The following SNX9 variants were observed in gnomAD, a reference collection of about 807,000 sequenced individuals.
The protein encoded by SNX9 is sorting nexin 9.
A neutral mutation model predicts 89.4 loss-of-function variants in SNX9; 44 were observed. The ratio of observed to expected loss-of-function variants is 0.49; its 90% CI spans 0.39 to 0.63. The LOEUF is 0.63. SNX9 is among the 30% of genes least tolerant of loss of function. The pLI is 0.00. For missense variants in SNX9, 578 were observed against 736.1 expected (o/e 0.79, Z 2.49); for synonymous variants, 236 against 247.8 (o/e 0.95, Z 0.45).
rs1257279219 is a variant in SNX9, at chr6:157,944,336, A to T, written c.*1498A>T. ...TATCACGGGTTTTTGTTAATGTTTC[A>T]TAAGTAATTCTCCCCACTTGATTTT... On this transcript the variant is annotated 3_prime_UTR_variant, in exon 18 of 18. Coordinates refer to ENST00000392185, the MANE Select transcript of SNX9 (RefSeq NM_016224.5). The T allele has an allele frequency of 1.3e-5, 2 of 152,658 alleles. No individual in the cohort carries two copies. The allele number at this position is 152,658 out of a possible 1,614,324, so 9.5% of individuals were successfully genotyped here.
At chr6:157,824,003 G>T (rs1413199752) in intron 1 of SNX9, among the ~76,000 whole-genome samples, 1 of 152,200 alleles carries the variant, frequency 6.6e-6, no homozygotes, top group East Asian at 1.9e-4. Flanking sequence ...CTTTGCCTTC[G>T]CTGCTGTTAT....
chr6:157,882,680 G>A (rs1334369187), intron 4 of SNX9, among the ~76,000 whole-genome samples: 1 of 152,222 alleles, frequency 6.6e-6, no homozygotes, highest in African/African-American at 2.4e-5. Context: ...AGTAACTGCA[G>A]ATGTGGTAGA....
At position 157,942,953 on chromosome 6, in the gene SNX9, A is replaced by C; in HGVS notation, c.*115A>C. The C allele has an allele frequency of 8.9e-7, 1 of 1,126,940 alleles. No individual in the cohort carries two copies. Among genetic ancestry groups the C allele is most frequent in the South Asian group, 1.6e-5 (1 of 62,346 alleles). 69.8% of individuals were successfully genotyped at this position (1,126,940 alleles called of 1,614,324 possible). ...AAAAAAGGAAACAAAACCAAAAAGA[A>C]AGAGTTGCAAAAAACTGCATTTATT... On this transcript the variant is annotated 3_prime_UTR_variant, in exon 18 of 18. Coordinates refer to ENST00000392185, the MANE Select transcript of SNX9 (RefSeq NM_016224.5).
intron 1 of SNX9, among the ~76,000 whole-genome samples, chr6:157,847,708 C>T (rs555827609): frequency 1.3e-5 from 2 of 152,094 alleles, no homozygotes; most frequent in East Asian, 3.9e-4. Flanking sequence ...GGTTACACGT[C>T]GTCTATTCTG....
intron 1 of SNX9, among the ~76,000 whole-genome samples, chr6:157,858,469 G>T (rs113213868): frequency 0.03 from 4,527 of 152,064 alleles, 220 homozygotes; most frequent in African/African-American, 0.1. Context: ...TGATCCGCCT[G>T]TTTCGACTTC....
At chr6:157,874,975 AT>A (rs1782488064) in intron 3 of SNX9, 75 bp from the exon 4 acceptor site, 3 of 1,492,056 alleles carry the variant, frequency 2.0e-6, no homozygotes, top group South Asian at 1.4e-5. Context: ...CTTTTTGACA[AT>A]TCTTGCTTGC....
In SNX9 at chr6:157,854,512, C is replaced by T. The variant is rs150158257; in HGVS notation, c.13-13035C>T. ...TACTGTGATTCTAATTGCTTCTGTG[C>T]ATGTGTGTGCTTTGACTAGTTGTGT... On this transcript the variant is annotated intron_variant, in intron 1 of 17. Coordinates refer to ENST00000392185, the MANE Select transcript of SNX9 (RefSeq NM_016224.5). Among the ~76,000 whole-genome samples the T allele has an allele frequency of 2.0e-5, 3 of 152,326 alleles. No homozygotes were observed. The East Asian group carries it at 5.8e-4, about 29-fold the overall frequency.
At chr6:157,884,675 G>A (rs1562604761) in intron 4 of SNX9, among the ~76,000 whole-genome samples, 1 of 152,038 alleles carries the variant, frequency 6.6e-6, no homozygotes, top group East Asian at 1.9e-4. Flanking sequence ...AGGATTTATG[G>A]ACATTTGCCT....
At chr6:157,933,408 GCAGA>G (rs1783857065) in intron 13 of SNX9, among the ~76,000 whole-genome samples, 1 of 152,214 alleles carries the variant, frequency 6.6e-6, no homozygotes, top group African/African-American at 2.4e-5. Flanking sequence ...GATACTCAAG[GCAGA>G]CAGTGCTTTG....
At chr6:157,824,530 G>A (rs1781305277) in intron 1 of SNX9, among the ~76,000 whole-genome samples, 2 of 152,144 alleles carry the variant, frequency 1.3e-5, no homozygotes, top group African/African-American at 4.8e-5. Flanking sequence ...TTTTTCGATA[G>A]GTGTTTGCTT....
chr6:157,853,334 T>A (rs1198073173), intron 1 of SNX9, among the ~76,000 whole-genome samples: 2 of 152,194 alleles, frequency 1.3e-5, no homozygotes, highest in Non-Finnish European at 2.9e-5. Flanking sequence ...CTGTATGTAA[T>A]AATATATGTT....
intron 5 of SNX9, among the ~76,000 whole-genome samples, chr6:157,898,992 C>T (rs1783037435): frequency 1.3e-5 from 2 of 151,962 alleles, no homozygotes; most frequent in Non-Finnish European, 2.9e-5. Flanking sequence ...TGTCTCTCGG[C>T]TTCTCCATAA....
intron 4 of SNX9, among the ~76,000 whole-genome samples, chr6:157,875,789 A>T (rs1782506035): frequency 6.6e-6 from 1 of 152,242 alleles, no homozygotes; most frequent in East Asian, 1.9e-4. Flanking sequence ...TAGTTCATTT[A>T]TTGCCAAATG....
intron 2 of SNX9, among the ~76,000 whole-genome samples, chr6:157,872,044 A>G (rs1782424229): frequency 6.6e-6 from 1 of 152,072 alleles, no homozygotes; most frequent in Non-Finnish European, 1.5e-5. Flanking sequence ...TGTGGCTTAA[A>G]GTGATTTTTT....
chr6:157,893,306 G>A (rs1338772129), intron 4 of SNX9, among the ~76,000 whole-genome samples: 2 of 152,148 alleles, frequency 1.3e-5, no homozygotes, highest in African/African-American at 4.8e-5. Flanking sequence ...TCACAGTCTT[G>A]TGGATGAAAC....
intron 13 of SNX9, among the ~76,000 whole-genome samples, chr6:157,935,489 C>T (rs1783904464): frequency 6.6e-6 from 1 of 152,016 alleles, no homozygotes; most frequent in African/African-American, 2.4e-5. Context: ...CACCAGGGCA[C>T]ACGACAAATT....
At position 157,909,967 on chromosome 6, in the gene SNX9, C is replaced by G; in HGVS notation, c.891C>G (p.Leu297=). 1 of 1,614,152 alleles carries G rather than the reference C, an allele frequency of 6.2e-7. No homozygotes were observed. The part of the protein sequence containing the change: ...YKHFDWLYER[L]LVKFGSAIPI... ...ACTTTGACTGGTTATATGAGCGTCT[C>G]CTGGTTAAGTTTGGGTCAGCCATTC... is the stretch of plus-strand genomic sequence containing the variant. The change falls in exon 9 of 18, where the codon CTC becomes CTG. Residue 297 remains leucine (L), a synonymous_variant. Transcript: ENST00000392185.
chr6:157,908,841 G>A (rs1304874382), intron 7 of SNX9, among the ~76,000 whole-genome samples: 1 of 152,030 alleles, frequency 6.6e-6, no homozygotes, highest in East Asian at 1.9e-4. Flanking sequence ...TGTAAGCCTC[G>A]CCTGAATTTG....
At chr6:157,902,101 C>T (rs954650963) in intron 6 of SNX9, 56 bp downstream of exon 6, 1 of 1,558,126 alleles carries the variant, frequency 6.4e-7, no homozygotes, top group African/African-American at 1.4e-5. Context: ...TACATTAATA[C>T]AAAGTATATA....
Sources: gnomAD v4.1 joint callset for allele counts (sites outside exome capture counted in the v4.1 genomes callset) on GRCh38, gnomAD v4.1.1 for gene constraint, MANE v1.5 for transcripts, NCBI Gene and HGNC (gene_info 2026-07-23, HGNC 2026-07-21) for gene names.